CNTNAP2: variants seen among roughly 807,000 people sequenced by gnomAD.
CNTNAP2 encodes the protein contactin associated protein 2, also known as contactin-associated protein-like 2.
Under a neutral mutation model 155.2 loss-of-function variants are expected in CNTNAP2, and 98 were observed. That is an observed-to-expected ratio of 0.63 (90% CI 0.54 to 0.75). The LOEUF (loss-of-function observed/expected upper bound fraction) is 0.75. Ranked by LOEUF, CNTNAP2 falls within the 30% of genes least tolerant of loss-of-function variation. The pLI, the probability that CNTNAP2 is intolerant of heterozygous loss-of-function variation, is 0.00. For synonymous variants in CNTNAP2, 651 were observed against 631.2 expected (o/e 1.03, Z -0.47); for missense variants, 1,727 against 1,688.1 (o/e 1.02, Z -0.40).
At chr7:146,370,055 G>C (rs971191470) in intron 1 of CNTNAP2, among the ~76,000 whole-genome samples, 13 of 151,400 alleles carry the variant, frequency 8.6e-5, no homozygotes, top group African/African-American at 3.2e-4. Flanking sequence ...CTTTGATTTT[G>C]TTTTGTTCTT....
At chr7:148,259,925 G>T (rs1796527496) in intron 20 of CNTNAP2, among the ~76,000 whole-genome samples, 1 of 152,200 alleles carries the variant, frequency 6.6e-6, no homozygotes, top group South Asian at 2.1e-4. Context: ...TAATTTTAAT[G>T]AGCCTCTATT....
intron 5 of CNTNAP2, among the ~76,000 whole-genome samples, chr7:147,111,559 G>T (rs1800880549): frequency 6.6e-6 from 1 of 152,270 alleles, no homozygotes; most frequent in Middle Eastern, 3.4e-3. Flanking sequence ...GTGTAAGGAA[G>T]GGGTCCAGTT....
At chr7:146,628,811 TAAG>T (rs1468639479) in intron 1 of CNTNAP2, among the ~76,000 whole-genome samples, 2 of 152,042 alleles carry the variant, frequency 1.3e-5, no homozygotes, top group African/African-American at 2.4e-5. Context: ...ATCAAAGTGT[TAAG>T]AATCATTTAA....
chr7:146,861,640 A>G (rs1305999290), intron 3 of CNTNAP2, among the ~76,000 whole-genome samples: 2 of 152,110 alleles, frequency 1.3e-5, no homozygotes, highest in Non-Finnish European at 2.9e-5. Flanking sequence ...TTTAAAAACT[A>G]TCATTATAAA....
chr7:148,242,683 AC>A (rs1303836096), intron 20 of CNTNAP2, among the ~76,000 whole-genome samples: 2 of 152,204 alleles, frequency 1.3e-5, no homozygotes, highest in African/African-American at 4.8e-5. Context: ...GATTTTTCTT[AC>A]GCTTTCACAT....
chr7:148,215,277 A>G (rs1228582676), intron 18 of CNTNAP2, among the ~76,000 whole-genome samples: 1 of 152,204 alleles, frequency 6.6e-6, no homozygotes, highest in East Asian at 1.9e-4. Flanking sequence ...AAAAAGGAGG[A>G]GGATTACATA....
In CNTNAP2 at chr7:148,416,939, T is replaced by G. The variant is rs1016176562; in HGVS notation, c.*1323T>G. On this transcript the variant is annotated 3_prime_UTR_variant, in exon 24 of 24. Transcript: ENST00000361727. ...AGTTATTTAACAAATAAATACCTCA[T>G]TGATTATATTTAAAAGTAATACACT... is the stretch of plus-strand genomic sequence containing the variant. 2 of 152,366 alleles carry G rather than the reference T, an allele frequency of 1.3e-5. No individual in the cohort carries two copies. The highest frequency in any genetic ancestry group is 4.8e-5 in the African/African-American group (2 of 41,460). 9.4% of individuals were successfully genotyped at this position (152,366 alleles called of 1,614,324 possible).
intron 8 of CNTNAP2, among the ~76,000 whole-genome samples, chr7:147,280,587 C>T (rs1172268691): frequency 2.0e-5 from 3 of 151,808 alleles, no homozygotes; most frequent in Non-Finnish European, 4.4e-5. Context: ...TTAACTCAAG[C>T]AGTCTCATTG....
chr7:148,399,756 G>A (rs1379360749), intron 22 of CNTNAP2, among the ~76,000 whole-genome samples: 1 of 152,188 alleles, frequency 6.6e-6, no homozygotes, highest in Non-Finnish European at 1.5e-5. Flanking sequence ...GAGTCGAACT[G>A]TGGGGCATTC....
At chr7:148,112,448 T>G (rs2116599704) in intron 15 of CNTNAP2, among the ~76,000 whole-genome samples, 1 of 151,680 alleles carries the variant, frequency 6.6e-6, no homozygotes, top group African/African-American at 2.4e-5. Context: ...ATTATTATAG[T>G]GTCTTACTGT....
intron 1 of CNTNAP2, among the ~76,000 whole-genome samples, chr7:146,128,878 A>AG (rs1797675410): frequency 6.6e-6 from 1 of 152,006 alleles, no homozygotes; most frequent in Non-Finnish European, 1.5e-5. Flanking sequence ...GTATTACAGA[A>AG]AAAAAAACTG....
At chr7:146,224,078 G>C (rs111742327) in intron 1 of CNTNAP2, among the ~76,000 whole-genome samples, 2,328 of 152,214 alleles carry the variant, frequency 0.015, 51 homozygotes, top group African/African-American at 0.052. Context: ...GCTTTTATAT[G>C]GAGTCTCCAC....
chr7:146,302,296 C>T (rs1042956470), intron 1 of CNTNAP2, among the ~76,000 whole-genome samples: 1 of 152,068 alleles, frequency 6.6e-6, no homozygotes, highest in African/African-American at 2.4e-5. Context: ...TTTAGACAAT[C>T]GCAACTTCTG....
intron 1 of CNTNAP2, among the ~76,000 whole-genome samples, chr7:146,536,813 A>G (rs1797876438): frequency 6.6e-6 from 1 of 152,130 alleles, no homozygotes; most frequent in Non-Finnish European, 1.5e-5. Context: ...CACAGATAAT[A>G]TATTTCCCCA....
At chr7:146,860,253 G>T (rs954949612) in intron 3 of CNTNAP2, among the ~76,000 whole-genome samples, 1 of 152,164 alleles carries the variant, frequency 6.6e-6, no homozygotes, top group Non-Finnish European at 1.5e-5. Flanking sequence ...AGTGGTTGAG[G>T]GTGGTGAGAC....
intron 1 of CNTNAP2, among the ~76,000 whole-genome samples, chr7:146,549,700 G>A (rs1031652909): frequency 6.6e-6 from 1 of 152,160 alleles, no homozygotes; most frequent in Non-Finnish European, 1.5e-5. Flanking sequence ...TCAAACAAAT[G>A]TTATTAATAT....
At chr7:146,959,314 T>A (rs1365667259) in intron 3 of CNTNAP2, among the ~76,000 whole-genome samples, 1 of 152,152 alleles carries the variant, frequency 6.6e-6, no homozygotes, top group African/African-American at 2.4e-5. Context: ...GATCATGACT[T>A]TTATAACCTG....
At chr7:147,654,195 A>G (rs541100639) in intron 13 of CNTNAP2, among the ~76,000 whole-genome samples, 2 of 152,382 alleles carry the variant, frequency 1.3e-5, no homozygotes, top group South Asian at 2.1e-4. Context: ...AATGACTTGA[A>G]TTTTGGAATA....
chr7:148,156,680 A>G (rs1446472147), intron 17 of CNTNAP2, among the ~76,000 whole-genome samples: 3 of 152,090 alleles, frequency 2.0e-5, no homozygotes, highest in African/African-American at 4.8e-5. Context: ...TTGTGTTTCA[A>G]CTTAGATATT....
Sources: gnomAD v4.1 joint callset for allele counts (sites outside exome capture counted in the v4.1 genomes callset) on GRCh38, gnomAD v4.1.1 for gene constraint, MANE v1.5 for transcripts, NCBI Gene and HGNC (gene_info 2026-07-23, HGNC 2026-07-21) for gene names.